The following DNAJC10 variants were observed in gnomAD, a reference collection of about 807,000 sequenced individuals.
The protein encoded by DNAJC10 is endoplasmic reticulum disulfide reductase DNAJC10.
A neutral mutation model predicts 115.0 loss-of-function variants in DNAJC10; 101 were observed. The ratio of observed to expected loss-of-function variants is 0.88; its 90% CI spans 0.75 to 1.04. The LOEUF (loss-of-function observed/expected upper bound fraction) is 1.04. Among genes scored for constraint, DNAJC10 ranks in the 50% least tolerant of loss-of-function variants. The pLI is 0.00. For missense variants in DNAJC10, 981 were observed against 928.8 expected, an observed-to-expected ratio of 1.06 and a Z score of -0.73; for synonymous variants, 307 against 301.5, an observed-to-expected ratio of 1.02 and a Z score of -0.19.
chr2:182,767,931 C>T (rs113140619), intron 22 of DNAJC10, among the ~76,000 whole-genome samples: 182 of 152,230 alleles, frequency 1.2e-3, no homozygotes, highest in African/African-American at 4.1e-3. Context: ...AAATAACATA[C>T]ACACAGTGCC....
intron 14 of DNAJC10, among the ~76,000 whole-genome samples, chr2:182,749,039 A>T (rs1041466745): frequency 2.6e-5 from 4 of 151,872 alleles, no homozygotes; most frequent in African/African-American, 4.8e-5. Flanking sequence ...TATAATTTCT[A>T]TTCTTTTACA....
chr2:182,769,200 C>T (rs1694496526), intron 22 of DNAJC10, among the ~76,000 whole-genome samples: 1 of 152,100 alleles, frequency 6.6e-6, no homozygotes, highest in Non-Finnish European at 1.5e-5. Context: ...GTATATGTGC[C>T]ACATTTTCTT....
chr2:182,774,330 G>C lies in DNAJC10; in HGVS notation c.2266-986G>C, dbSNP rs376316405. On this transcript the variant is annotated intron_variant, in intron 22 of 23. Transcript: ENST00000264065. ...AGGGACTCACTTGAAGAGGCAGTCT[G>C]TCCCTTCTCAGAGCTCAAATGCCGT... 7.2e-5 allele frequency among the ~76,000 whole-genome samples: 11 copies of C among 152,224 alleles called. No individual in the cohort carries two copies. In the East Asian group the frequency reaches 1.7e-3, roughly 24 times the overall value.
rs1693193763 is a variant in DNAJC10 at position 182,723,052 on chromosome 2, T to C, written c.418+977T>C. Among the ~76,000 whole-genome samples the C allele has an allele frequency of 4.7e-5, 7 of 148,754 alleles. No homozygotes were observed. In the South Asian group the frequency reaches 1.5e-3, roughly 32 times the overall value. On this transcript the variant is annotated intron_variant, in intron 5 of 23. Coordinates refer to ENST00000264065, the MANE Select transcript of DNAJC10 (RefSeq NM_018981.4). ...GCAAGGGTGGCTTTTTTTTTTTTTT[T>C]TTTTTGAGACGGAGTCTTGCTTTGT...
At chr2:182,773,877 C>T (rs1423316090) in intron 22 of DNAJC10, among the ~76,000 whole-genome samples, 2 of 152,158 alleles carry the variant, frequency 1.3e-5, no homozygotes, top group African/African-American at 2.4e-5. Flanking sequence ...CCATTGCTGG[C>T]GAGGAGCTGC....
chr2:182,744,223 T>C (rs1295201956), intron 14 of DNAJC10, among the ~76,000 whole-genome samples: 1 of 152,190 alleles, frequency 6.6e-6, no homozygotes, highest in Non-Finnish European at 1.5e-5. Flanking sequence ...AGCAGAGTCC[T>C]TGTCCTGAAA....
At chr2:182,741,895 G>A (rs1247359420) in intron 13 of DNAJC10, among the ~76,000 whole-genome samples, 1 of 151,610 alleles carries the variant, frequency 6.6e-6, no homozygotes, top group African/African-American at 2.4e-5. Context: ...AAATTTATAT[G>A]TCTGTGTTTT....
chr2:182,741,032 T>G (rs1256355547), intron 12 of DNAJC10, among the ~76,000 whole-genome samples: 1 of 152,158 alleles, frequency 6.6e-6, no homozygotes, highest in Non-Finnish European at 1.5e-5. Context: ...ATTTTATAAT[T>G]TAGTGACTAA....
At chr2:182,735,050 A>G (rs150026051) in intron 10 of DNAJC10, among the ~76,000 whole-genome samples, 154 of 151,600 alleles carry the variant, frequency 1.0e-3, no homozygotes, top group African/African-American at 3.0e-3. Flanking sequence ...ATTTGGCCCT[A>G]TGCTTACCAT....
At position 182,727,500 on chromosome 2, in the gene DNAJC10, A is replaced by G. The variant is rs72896687; in HGVS notation, c.419-1076A>G. Among the ~76,000 whole-genome samples the G allele has an allele frequency of 7.6e-3, 1,165 of 152,294 alleles. 6 individuals are homozygous for G. Among genetic ancestry groups the G allele is most frequent in the Non-Finnish European group, 0.013 (862 of 68,030 alleles). On this transcript the variant is annotated intron_variant, in intron 5 of 23. Transcript: ENST00000264065. ...TATGGCAATTTTTTCGACCACCTCT[A>G]TAGAATGGTCATTTGCCAGACTTTG...
In DNAJC10 at chr2:182,728,880, A is replaced by G. The variant is rs756067875; in HGVS notation, c.519A>G (p.Lys173=). The G allele has an allele frequency of 6.2e-7, 1 of 1,614,150 alleles. No individual in the cohort carries two copies. The highest frequency in any genetic ancestry group is 2.2e-5 in the East Asian group (1 of 44,864). ...TGTCATAGTGGAGAGACTTTGCTAAAGAAGTGGATGGGTTACTTCGAATTG... is the reference window on the plus strand; with the variant it reads ...TGTCATAGTGGAGAGACTTTGCTAAGGAAGTGGATGGGTTACTTCGAATTG... The part of the protein sequence containing the change: ...DLAPTWRDFA[K]EVDGLLRIGA... The change falls in exon 7 of 24, where the codon AAA becomes AAG. Residue 173 remains lysine, a synonymous_variant. Transcript: ENST00000264065.
rs1022700249 is a variant in DNAJC10 at position 182,793,417 on chromosome 2, A to C, written c.*16285A>C. On this transcript the variant is annotated 3_prime_UTR_variant, in exon 24 of 24. Transcript: ENST00000264065. The stretch of plus-strand genomic sequence containing the variant: ...TGGTAAAAGAGAAACTTTCAGCAAA[A>C]TATATTTAACATTTTATTTGAGTGA... 5 of 152,216 alleles carry C rather than the reference A, an allele frequency of 3.3e-5. No individual in the cohort carries two copies. The highest frequency in any genetic ancestry group is 1.2e-4 in the African/African-American group (5 of 41,452). The allele number at this position is 152,216 out of a possible 1,614,324, so 9.4% of individuals were successfully genotyped here. A position where few individuals can be genotyped will look rare whatever the true frequency, so the allele number is the denominator to read the frequency against.
intron 14 of DNAJC10, 138 bp from the exon 15 acceptor site, chr2:182,751,520 C>A: frequency 2.2e-6 from 2 of 920,562 alleles, no homozygotes; most frequent in Non-Finnish European, 1.6e-6. Flanking sequence ...GTATAGTATA[C>A]AGCACACTAA....
At chr2:182,774,051 C>T (rs370970324) in intron 22 of DNAJC10, among the ~76,000 whole-genome samples, 1 of 152,102 alleles carries the variant, frequency 6.6e-6, no homozygotes, top group Non-Finnish European at 1.5e-5. Flanking sequence ...TGATGCTATT[C>T]CTTTCTGTTT....
At chr2:182,719,642 A>G (rs1693094152) in intron 3 of DNAJC10, among the ~76,000 whole-genome samples, 1 of 152,092 alleles carries the variant, frequency 6.6e-6, no homozygotes, top group African/African-American at 2.4e-5. Flanking sequence ...CTACAAATGT[A>G]TTGATTTATA....
At chr2:182,739,412 T>C (rs555699715) in intron 11 of DNAJC10, 19 of 550,800 alleles carry the variant, frequency 3.4e-5, no homozygotes, top group Non-Finnish European at 4.5e-5. Context: ...TAGTGAATTT[T>C]AGATCTTTCA....
At chr2:182,729,338 G>A (rs565875447) in intron 7 of DNAJC10, among the ~76,000 whole-genome samples, 5 of 152,156 alleles carry the variant, frequency 3.3e-5, no homozygotes, top group African/African-American at 1.2e-4. Flanking sequence ...TAGTAGAGAC[G>A]GGGTTTCGCC....
rs1338137232 is a variant in DNAJC10 at position 182,783,301 on chromosome 2, G to A, written c.*6169G>A. The A allele has an allele frequency of 6.6e-6, 1 of 152,038 alleles. No individual in the cohort carries two copies. Among genetic ancestry groups the A allele is most frequent in the South Asian group, 2.1e-4 (1 of 4,832 alleles). 9.4% of individuals were successfully genotyped at this position (152,038 alleles called of 1,614,324 possible). On this transcript the variant is annotated 3_prime_UTR_variant, in exon 24 of 24. Transcript: ENST00000264065. ...TAAGTGGCTATTTATATTACCAAGC[G>A]GTAAAACATTAGCTAACTAAAACAT...
intron 22 of DNAJC10, among the ~76,000 whole-genome samples, chr2:182,766,794 C>G (rs1265262106): frequency 6.6e-6 from 1 of 152,076 alleles, no homozygotes; most frequent in Non-Finnish European, 1.5e-5. Flanking sequence ...CAAATGTTCG[C>G]TGACCGGGGG....
Sources: gnomAD v4.1 joint callset for allele counts (sites outside exome capture counted in the v4.1 genomes callset) on GRCh38, gnomAD v4.1.1 for gene constraint, MANE v1.5 for transcripts, NCBI Gene and HGNC (gene_info 2026-07-23, HGNC 2026-07-21) for gene names.